The following MED13 variants were observed in gnomAD, a reference collection of about 807,000 sequenced individuals.
The protein encoded by MED13 is mediator of RNA polymerase II transcription subunit 13.
In MED13, 23 loss-of-function variants were observed where a neutral mutation model predicts 225.2. The ratio of observed to expected loss-of-function variants is 0.10; its 90% CI spans 0.07 to 0.14. The LOEUF (loss-of-function observed/expected upper bound fraction) is 0.14. Among genes scored for constraint, MED13 ranks in the 10% least tolerant of loss-of-function variants. The pLI is 1.00. For missense variants in MED13, 2,197 were observed against 2,594.5 expected (o/e 0.85, Z 3.33); for synonymous variants, 942 against 889.2 (o/e 1.06, Z -1.06).
rs1236472904 is a variant in MED13 at position 62,015,934 on chromosome 17, ATATATATATATATATATATATTTTTTT to A, written c.1284-4728_1284-4702del. 1.6e-3 allele frequency among the ~76,000 whole-genome samples: 14 copies of A among 8,838 alleles called. 1 individual carries two copies. Among genetic ancestry groups the A allele is most frequent in the South Asian group, 4.6e-3 (1 of 216 alleles). 5.8% of individuals were successfully genotyped at this position (8,838 alleles called of 152,430 possible). A position where few individuals can be genotyped will look rare whatever the true frequency, so the allele number is the denominator to read the frequency against. ...TATACACATATATATATATATATAT[ATATATATATATATATATATATTTTTTT>A]TTTTTTTTTTTTTTTTTTTTTTAGT... On this transcript the variant is annotated intron_variant, in intron 8 of 29. Coordinates refer to ENST00000397786, the MANE Select transcript of MED13 (RefSeq NM_005121.3).
At chr17:62,041,372 AG>A (rs2080850686) in intron 3 of MED13, among the ~76,000 whole-genome samples, 1 of 146,926 alleles carries the variant, frequency 6.8e-6, no homozygotes, top group African/African-American at 2.5e-5. Context: ...TATCTGAAGC[AG>A]AAGAAAAGAA....
intron 3 of MED13, among the ~76,000 whole-genome samples, chr17:62,048,585 A>G (rs2080924645): frequency 6.6e-6 from 1 of 152,086 alleles, no homozygotes. Context: ...GATGTATTTA[A>G]AAGATTAAGT....
intron 2 of MED13, among the ~76,000 whole-genome samples, chr17:62,061,243 G>A (rs1487768085): frequency 6.6e-6 from 1 of 151,950 alleles, no homozygotes; most frequent in African/African-American, 2.4e-5. Context: ...ACTAGGCCAG[G>A]TGCAGGGGCT....
At chr17:62,057,575 G>A (rs1466982368) in intron 2 of MED13, among the ~76,000 whole-genome samples, 1 of 152,222 alleles carries the variant, frequency 6.6e-6, no homozygotes, top group African/African-American at 2.4e-5. Flanking sequence ...GCTGGGACTA[G>A]ATTCCTATGC....
chr17:61,979,005 T>A (rs2080180881), intron 16 of MED13, among the ~76,000 whole-genome samples: 1 of 152,188 alleles, frequency 6.6e-6, no homozygotes, highest in Non-Finnish European at 1.5e-5. Context: ...TTTCTCCCTA[T>A]CCCTATCTCT....
Position 61,960,872 on chromosome 17 carries a change from T to C in MED13, c.5475A>G (p.Pro1825=). Reference sequence around the variant, plus strand: ...ATTTAGGGAAATACAAATACCTATTTGGAACATCGATGTTAATGATACAAG... The same window carrying C: ...ATTTAGGGAAATACAAATACCTATTCGGAACATCGATGTTAATGATACAAG... The part of the protein sequence containing the change: ...LETCIINIDV[P]NRARRKKSSA... Residue 1825 remains proline, a synonymous_variant, in exon 23 of 30, where the codon CCA becomes CCG. Transcript: ENST00000397786. 6.3e-7 allele frequency: 1 copy of C among 1,594,194 alleles called. No individual in the cohort carries two copies. The highest frequency in any genetic ancestry group is 8.6e-7 in the Non-Finnish European group (1 of 1,163,722).
At chr17:62,039,587 ATTT>A (rs57066822) in intron 3 of MED13, among the ~76,000 whole-genome samples, 1,287 of 109,304 alleles carry the variant, frequency 0.012, 7 homozygotes, top group East Asian at 0.022. Flanking sequence ...CCCAGCCAAG[ATTT>A]TTTTTTTTTT....
rs2080826903 is a variant in MED13 at position 62,038,670 on chromosome 17, A to G, written c.471-3062T>C. 2.0e-5 allele frequency among the ~76,000 whole-genome samples: 3 copies of G among 151,956 alleles called. No homozygotes were observed. In the South Asian group the frequency reaches 6.2e-4, roughly 32 times the overall value. ...CAGTCTTTCCAATGAGCACTTACCC[A>G]CTTCATTTTTTAATTTTATGGTTTA... is the stretch of plus-strand genomic sequence containing the variant. On this transcript the variant is annotated intron_variant, in intron 3 of 29. Transcript: ENST00000397786.
At chr17:62,045,635 T>C (rs2080891431) in intron 3 of MED13, among the ~76,000 whole-genome samples, 1 of 152,228 alleles carries the variant, frequency 6.6e-6, no homozygotes, top group South Asian at 2.1e-4. Context: ...ATTAAGTCAG[T>C]GGTACTTACT....
At chr17:62,064,925 G>GA (rs1245510304) in intron 1 of MED13, among the ~76,000 whole-genome samples, 3 of 152,200 alleles carry the variant, frequency 2.0e-5, no homozygotes, top group Admixed American at 2.0e-4. Flanking sequence ...AACAAGACGA[G>GA]AAAAAATGCC....
chr17:62,025,981 T>G (rs1377953346), intron 8 of MED13, among the ~76,000 whole-genome samples: 3 of 152,194 alleles, frequency 2.0e-5, no homozygotes, highest in African/African-American at 7.2e-5. Flanking sequence ...AGTCTGTTAT[T>G]ATATATTCAA....
intron 8 of MED13, among the ~76,000 whole-genome samples, chr17:62,015,834 TACAC>T (rs531446145): frequency 1.8e-5 from 2 of 113,434 alleles, no homozygotes; most frequent in Non-Finnish European, 3.6e-5. Flanking sequence ...ACTATATATA[TACAC>T]ACACACTATA....
At chr17:62,037,921 A>G (rs1603406836) in intron 3 of MED13, among the ~76,000 whole-genome samples, 1 of 129,454 alleles carries the variant, frequency 7.7e-6, no homozygotes, top group African/African-American at 2.8e-5. Context: ...TTGCCACTGC[A>G]CTTCAGCCTG....
At chr17:61,993,200 CTT>C (rs964200883) in intron 10 of MED13, among the ~76,000 whole-genome samples, 7 of 107,682 alleles carry the variant, frequency 6.5e-5, no homozygotes, top group Admixed American at 1.0e-4. Flanking sequence ...TTCTTTCTTT[CTT>C]TTTTTTTTTT....
intron 8 of MED13, among the ~76,000 whole-genome samples, chr17:62,014,612 C>G (rs1180933412): frequency 1.3e-5 from 2 of 152,162 alleles, no homozygotes; most frequent in Non-Finnish European, 2.9e-5. Flanking sequence ...CCACTGCACC[C>G]AGCCTGTATA....
At chr17:61,993,944 C>T (rs908448529) in intron 10 of MED13, among the ~76,000 whole-genome samples, 2 of 114,706 alleles carry the variant, frequency 1.7e-5, no homozygotes, top group African/African-American at 1.3e-4. Context: ...AACAAACAAA[C>T]AAACAAAAAA....
intron 9 of MED13, among the ~76,000 whole-genome samples, chr17:61,995,689 AG>A (rs999403847): frequency 2.0e-4 from 31 of 152,228 alleles, no homozygotes; most frequent in African/African-American, 7.5e-4. Flanking sequence ...ATTCCCTGAA[AG>A]GGGCTCTTAA....
intron 8 of MED13, among the ~76,000 whole-genome samples, chr17:62,017,505 C>A (rs1603403202): frequency 6.6e-6 from 1 of 152,270 alleles, no homozygotes; most frequent in East Asian, 1.9e-4. Context: ...GGTCTATGAA[C>A]CCTCCTTTTC....
At chr17:62,019,074 C>A (rs1241923009) in intron 8 of MED13, among the ~76,000 whole-genome samples, 2 of 152,194 alleles carry the variant, frequency 1.3e-5, no homozygotes, top group Non-Finnish European at 1.5e-5. Context: ...AGAATATCCA[C>A]AATTATCTGA....
Sources: gnomAD v4.1 joint callset for allele counts (sites outside exome capture counted in the v4.1 genomes callset) on GRCh38, gnomAD v4.1.1 for gene constraint, MANE v1.5 for transcripts, NCBI Gene and HGNC (gene_info 2026-07-23, HGNC 2026-07-21) for gene names.